The following FXYD1 variants were observed in gnomAD, a reference collection of about 807,000 sequenced individuals.
FXYD1 encodes phospholemman.
A neutral mutation model predicts 17.2 loss-of-function variants in FXYD1; 9 were observed. The ratio of observed to expected loss-of-function variants is 0.52; its 90% confidence interval spans 0.32 to 0.91. The LOEUF (loss-of-function observed/expected upper bound fraction) is 0.91. Among genes scored for constraint, FXYD1 ranks in the 40% least tolerant of loss-of-function variants. The pLI is 0.04. For missense variants in FXYD1, 113 were observed against 120.6 expected (o/e 0.94, Z 0.29); for synonymous variants, 55 against 45.8 (o/e 1.20, Z -0.81).
In FXYD1 at chr19:35,141,013, T is replaced by C. The variant is rs989176103; in HGVS notation, c.95-119T>C. The C allele has an allele frequency of 3.2e-5, 20 of 621,646 alleles. No homozygotes were observed. The Admixed American group carries it at 3.8e-4, about 12-fold the overall frequency. 38.5% of individuals were successfully genotyped at this position (621,646 alleles called of 1,614,324 possible). On this transcript the variant is annotated intron_variant, in intron 3 of 7. Coordinates refer to ENST00000351325, the MANE Select transcript of FXYD1 (RefSeq NM_021902.4). ...CCATATCTGCTCCCCCTTAATTATCTTACTTCCCCCCTTCTGCCTGCTGGT... is the reference window on the plus strand; with the variant it reads ...CCATATCTGCTCCCCCTTAATTATCCTACTTCCCCCCTTCTGCCTGCTGGT...
Position 35,140,613 on chromosome 19 carries a change from C to A in FXYD1, c.78C>A (p.His26Gln). The A allele has an allele frequency of 1.2e-6, 2 of 1,613,580 alleles. No homozygotes were observed. Among genetic ancestry groups the A allele is most frequent in the Non-Finnish European group, 8.5e-7 (1 of 1,179,752 alleles). ...TCTTTCCAGAAAGTCCAAAGGAACA[C>A]GACCCGTTCACTTACGGTGAGCGGG... ...TMAKAESPKE[H>Q]DPFTYDYQSL... is the part of the protein sequence containing the mutation. Residue 26 changes from histidine to glutamine, a missense_variant, in exon 3 of 8, where the codon CAC (histidine) becomes CAA (glutamine). Transcript: ENST00000351325.
chr19:35,140,218 C>G (rs760968619), intron 2 of FXYD1, 78 bp downstream of exon 2: 15 of 858,218 alleles, frequency 1.7e-5, no homozygotes, highest in African/African-American at 3.3e-5. Flanking sequence ...AAGTTGGAGA[C>G]CCCAACCTAG....
rs758472074 is a variant in FXYD1 at position 35,140,619 on chromosome 19, G to A, written c.84G>A (p.Pro28=). 6.2e-7 allele frequency: 1 copy of A among 1,613,450 alleles called. No individual in the cohort carries two copies. Among genetic ancestry groups the A allele is most frequent in the East Asian group, 2.2e-5 (1 of 44,860 alleles). The stretch of plus-strand genomic sequence containing the variant: ...CAGAAAGTCCAAAGGAACACGACCC[G>A]TTCACTTACGGTGAGCGGGGGGTCT... ...AKAESPKEHD[P]FTYDYQSLQI... is the part of the protein sequence containing the mutation. The change falls in exon 3 of 8, where the codon CCG becomes CCA. Residue 28 remains proline (P), a synonymous_variant. Transcript: ENST00000351325.
intron 5 of FXYD1, 89 bp from the exon 6 acceptor site, chr19:35,142,383 C>A: frequency 9.9e-7 from 1 of 1,009,316 alleles, no homozygotes; most frequent in Non-Finnish European, 1.5e-6. Flanking sequence ...TTACACCAAT[C>A]TGGGAAAGGA....
intron 5 of FXYD1, 127 bp from the exon 6 acceptor site, chr19:35,142,345 C>A: frequency 2.8e-6 from 2 of 718,588 alleles, no homozygotes; most frequent in Non-Finnish European, 4.8e-6. Context: ...GGACCCCGAG[C>A]CTGCTCTTCG....
chr19:35,140,131 G>A lies in FXYD1; in HGVS notation c.52G>A (p.Ala18Thr). 6.3e-7 allele frequency: 1 copy of A among 1,575,158 alleles called. No individual in the cohort carries two copies. The highest frequency in any genetic ancestry group is 1.1e-5 in the South Asian group (1 of 90,362). ...LVFCVGLLTMAKAESPKEHDP... is the reference protein window; with the variant it reads ...LVFCVGLLTMTKAESPKEHDP... ...TTTCTGTGTGGGTCTCCTCACCATG[G>A]CCAAGGCAGGTGAGTGCAGGGGAGG... is the stretch of plus-strand genomic sequence containing the variant. Residue 18 changes from alanine to threonine, a missense_variant, in exon 2 of 8, where the codon GCC (alanine) becomes ACC (threonine). Ala to Thr is a moderately conservative substitution (Grantham distance 58). Transcript: ENST00000351325.
intron 4 of FXYD1, 22 bp downstream of exon 4, chr19:35,141,228 C>T: frequency 6.8e-6 from 10 of 1,468,606 alleles, no homozygotes; most frequent in East Asian, 4.6e-5. Flanking sequence ...TAGCTCCCGC[C>T]CTCTACCCCG....
chr19:35,140,025 T>C, intron 1 of FXYD1, 51 bp from the exon 2 acceptor site: 2 of 1,545,374 alleles, frequency 1.3e-6, no homozygotes, highest in Non-Finnish European at 1.8e-6. Flanking sequence ...GTTCAAGCCC[T>C]ATGTGGGAGA....
Position 35,140,905 on chromosome 19 carries a change from C to A in FXYD1, c.95-227C>A. On this transcript the variant is annotated intron_variant, in intron 3 of 7. Transcript: ENST00000351325. Reference sequence around the variant, plus strand: ...TCCTCTGCTTCTTCCCGTCTTCTCTCCCCCCTGTCCTCCTCCTCCCTGTCC... The same window carrying A: ...TCCTCTGCTTCTTCCCGTCTTCTCTACCCCCTGTCCTCCTCCTCCCTGTCC... 3.1e-5 allele frequency: 18 copies of A among 576,188 alleles called. No individual in the cohort carries two copies. In the South Asian group the frequency reaches 3.4e-4, roughly 11 times the overall value. 35.7% of individuals were successfully genotyped at this position (576,188 alleles called of 1,614,324 possible). A position where few individuals can be genotyped will look rare whatever the true frequency, so the allele number is the denominator to read the frequency against.
chr19:35,142,958 G>A lies in FXYD1; in HGVS notation c.*71G>A. On this transcript the variant is annotated 3_prime_UTR_variant, in exon 8 of 8. Transcript: ENST00000351325. ...GACATCTCCCACGCTCCACCTGCGCGCCCACCGCCCCCTCCGCCGCCCCTT... is the reference window on the plus strand; with the variant it reads ...GACATCTCCCACGCTCCACCTGCGCACCCACCGCCCCCTCCGCCGCCCCTT... The A allele has an allele frequency of 3.4e-6, 2 of 585,422 alleles. No homozygotes were observed. Among genetic ancestry groups the A allele is most frequent in the Admixed American group, 3.1e-5 (1 of 32,584 alleles). The allele number at this position is 585,422 out of a possible 1,614,324, so 36.3% of individuals were successfully genotyped here.
intron 1 of FXYD1, 196 bp from the exon 2 acceptor site, chr19:35,139,880 T>C (rs2065235138): frequency 1.0e-5 from 6 of 572,344 alleles, no homozygotes; most frequent in South Asian, 9.7e-5. Context: ...TGTGATCCCA[T>C]CGTGGAGGTT....
At chr19:35,141,442 G>C in intron 4 of FXYD1, 94 bp from the exon 5 acceptor site, 1 of 901,170 alleles carries the variant, frequency 1.1e-6, no homozygotes, top group Non-Finnish European at 1.7e-6. Flanking sequence ...CGTCCCCCAA[G>C]CCCCGCCCCT....
chr19:35,141,089 C>T (rs780890713), intron 3 of FXYD1, 43 bp from the exon 4 acceptor site: 28 of 1,247,882 alleles, frequency 2.2e-5, no homozygotes, highest in South Asian at 1.6e-4. Context: ...TATTCTCCCT[C>T]CTGTCTTCCC....
At chr19:35,142,846 C>A in intron 7 of FXYD1, 71 bp from the exon 8 acceptor site, 1 of 1,180,860 alleles carries the variant, frequency 8.5e-7, no homozygotes, top group Non-Finnish European at 1.2e-6. Flanking sequence ...GGGCCAAGTG[C>A]CAGAGTTGAA....
rs770791151 is a variant in FXYD1 at position 35,142,449 on chromosome 19, T to C, written c.207-23T>C. On this transcript the variant is annotated intron_variant, in intron 5 of 7. Transcript: ENST00000351325. ...GCCTCTCCCCCTTTCCATCCCGAAA[T>C]CCCTCTGCCTCTGTCTTCCCAGGAC... 7 of 1,585,866 alleles carry C rather than the reference T, an allele frequency of 4.4e-6. No individual in the cohort carries two copies. The South Asian group carries it at 7.9e-5, about 18-fold the overall frequency.
At chr19:35,139,769 T>G in intron 1 of FXYD1, 1 of 347,764 alleles carries the variant, frequency 2.9e-6, no homozygotes, top group Non-Finnish European at 5.5e-6. Flanking sequence ...CCTGCCAGGG[T>G]AGGTCTGGGA....
chr19:35,140,358 G>T (rs1235257461), intron 2 of FXYD1, among the ~76,000 whole-genome samples: 2 of 152,126 alleles, frequency 1.3e-5, no homozygotes, highest in Non-Finnish European at 1.5e-5. Context: ...CTGAATCCCC[G>T]ATGGGATAAC....
intron 2 of FXYD1, 111 bp from the exon 3 acceptor site, chr19:35,140,486 G>A: frequency 1.0e-6 from 1 of 968,334 alleles, no homozygotes; most frequent in Non-Finnish European, 1.6e-6. Context: ...AGCCTGCCCA[G>A]ACACCCTCAG....
chr19:35,142,408 G>A, intron 5 of FXYD1, 64 bp from the exon 6 acceptor site: 3 of 1,244,776 alleles, frequency 2.4e-6, no homozygotes, highest in East Asian at 4.7e-5. Context: ...TGTACTGGGG[G>A]GTTCCTAGAA....
Sources: gnomAD v4.1 joint callset for allele counts (sites outside exome capture counted in the v4.1 genomes callset) on GRCh38, gnomAD v4.1.1 for gene constraint, MANE v1.5 for transcripts, NCBI Gene and HGNC (gene_info 2026-07-23, HGNC 2026-07-21) for gene names.